KDM5B: variants seen among roughly 807,000 people sequenced by gnomAD.
KDM5B encodes the protein lysine-specific demethylase 5B.
In KDM5B, 144 loss-of-function variants were observed where a neutral mutation model predicts 193.4. That is an observed-to-expected ratio of 0.74 (90% confidence interval 0.65 to 0.86). KDM5B has a LOEUF of 0.86. Ranked by LOEUF, KDM5B falls within the 40% of genes least tolerant of loss-of-function variation. The probability of loss-of-function intolerance (pLI) is 0.00; values close to 1 mark genes in which losing one functional copy is unlikely to be tolerated. For synonymous variants in KDM5B, 668 were observed against 682.6 expected (o/e 0.98, Z 0.33); for missense variants, 1,833 against 1,886.9 (o/e 0.97, Z 0.53).
rs1656017648 is a variant in KDM5B at position 202,756,499 on chromosome 1, A to T, written c.1215T>A (p.Leu405=). The T allele has an allele frequency of 6.2e-7, 1 of 1,607,110 alleles. No individual in the cohort carries two copies. Among genetic ancestry groups the T allele is most frequent in the Middle Eastern group, 1.7e-4 (1 of 6,026 alleles). ...NMPVHMVPTE[L]VEKEFWRLVS... Reference sequence around the variant, plus strand: ...CTAGTCTCCAAAATTCTTTCTCAACAAGCTCTGTGGGGACCATCTGGAAAT... The same window carrying T: ...CTAGTCTCCAAAATTCTTTCTCAACTAGCTCTGTGGGGACCATCTGGAAAT... The change falls in exon 10 of 27, where the codon CTT becomes CTA. Residue 405 remains leucine (L), a synonymous_variant. Transcript: ENST00000367265.
chr1:202,729,670 G>A, intron 26 of KDM5B, 37 bp downstream of exon 26: 1 of 1,571,696 alleles, frequency 6.4e-7, no homozygotes, highest in South Asian at 1.2e-5. Flanking sequence ...TCTGAGTTAA[G>A]GGAAAGCACG....
At chr1:202,794,942 G>A (rs1343306985) in intron 1 of KDM5B, among the ~76,000 whole-genome samples, 1 of 152,192 alleles carries the variant, frequency 6.6e-6, no homozygotes, top group East Asian at 1.9e-4. Flanking sequence ...GCCGGGTGTG[G>A]TGGCTCACAC....
At chr1:202,749,166 AT>A in intron 13 of KDM5B, 27 bp from the exon 14 acceptor site, 1 of 1,585,050 alleles carries the variant, frequency 6.3e-7, no homozygotes, top group Admixed American at 1.8e-5. Flanking sequence ...AAAGAAAAAA[AT>A]AACATTCATC....
chr1:202,766,937 T>G lies in KDM5B; in HGVS notation c.700A>C (p.Met234Leu). 6.3e-7 allele frequency: 1 copy of G among 1,580,216 alleles called. No individual in the cohort carries two copies. The highest frequency in any genetic ancestry group is 8.5e-7 in the Non-Finnish European group (1 of 1,171,756). ...CATGAGGCTCTTACCTCTGCTCTCA[T>G]GCGTTTTGCTCGTCGGGCTGGGGGG... ...TCPPARRAKR[M>L]RAEAMNIKIE... The change falls in exon 5 of 27, where the codon ATG becomes CTG. Residue 234 changes from methionine (M) to leucine (L), a missense_variant. Physicochemically the swap from Met to Leu is conservative, Grantham distance 15. Transcript: ENST00000367265.
chr1:202,754,873 C>T (rs931366072), intron 11 of KDM5B, among the ~76,000 whole-genome samples: 1 of 152,114 alleles, frequency 6.6e-6, no homozygotes, highest in East Asian at 1.9e-4. Flanking sequence ...TTAGTAAAGA[C>T]GGGGTTTCTC....
At position 202,752,296 on chromosome 1, in the gene KDM5B, T is replaced by A. The variant is rs375042885; in HGVS notation, c.1701+609A>T. 2.0e-5 allele frequency among the ~76,000 whole-genome samples: 3 copies of A among 152,334 alleles called. No homozygotes were observed. In the East Asian group the frequency reaches 5.8e-4, roughly 29 times the overall value. ...TTTCACTGTACCTTTTCTGTTTAGA[T>A]ACATTTAAATACACAAATCCTTACT... On this transcript the variant is annotated intron_variant, in intron 12 of 26. Transcript: ENST00000367265.
intron 23 of KDM5B, 77 bp from the exon 24 acceptor site, chr1:202,732,016 T>G (rs1654903771): frequency 2.2e-6 from 2 of 890,280 alleles, no homozygotes; most frequent in East Asian, 2.8e-5. Context: ...GACAGTAGCT[T>G]GCATTACCCA....
chr1:202,789,428 C>T (rs1397718092), intron 1 of KDM5B, among the ~76,000 whole-genome samples: 6 of 149,422 alleles, frequency 4.0e-5, no homozygotes, highest in Non-Finnish European at 8.9e-5. Context: ...GGCTGAGACA[C>T]GATAATCACT....
chr1:202,728,891 GA>G lies in KDM5B; in HGVS notation c.*144del. 16 of 914,864 alleles carry G rather than the reference GA, an allele frequency of 1.7e-5. No homozygotes were observed. The highest frequency in any genetic ancestry group is 2.5e-5 in the East Asian group (1 of 39,872). 56.7% of individuals were successfully genotyped at this position (914,864 alleles called of 1,614,324 possible). A position where few individuals can be genotyped will look rare whatever the true frequency, so the allele number is the denominator to read the frequency against. On this transcript the variant is annotated 3_prime_UTR_variant, in exon 27 of 27. Coordinates refer to ENST00000367265, the MANE Select transcript of KDM5B (RefSeq NM_006618.5). Reference sequence around the variant, plus strand: ...TTTTTCTTTTCTTCAAAGAGTCCTGGAAAAATGATCCCATAAGGAATAGAAA... The same window carrying G: ...TTTTTCTTTTCTTCAAAGAGTCCTGGAAAATGATCCCATAAGGAATAGAAA...
intron 1 of KDM5B, among the ~76,000 whole-genome samples, chr1:202,787,704 G>A (rs1006767401): frequency 6.6e-6 from 1 of 151,648 alleles, no homozygotes; most frequent in African/African-American, 2.4e-5. Flanking sequence ...CCAACGTAGT[G>A]AAACCCTGTC....
intron 1 of KDM5B, among the ~76,000 whole-genome samples, chr1:202,778,795 T>C (rs1400881794): frequency 6.6e-6 from 1 of 152,124 alleles, no homozygotes; most frequent in African/African-American, 2.4e-5. Context: ...GCTAATTTTG[T>C]ATTTTTAGTA....
intron 1 of KDM5B, among the ~76,000 whole-genome samples, chr1:202,803,970 T>C (rs1342361202): frequency 6.7e-6 from 1 of 148,984 alleles, no homozygotes; most frequent in Non-Finnish European, 1.5e-5. Flanking sequence ...CATTAGGAGA[T>C]ATACCTAATG....
chr1:202,770,499 GGT>G (rs2102291089), intron 4 of KDM5B, among the ~76,000 whole-genome samples: 1 of 152,022 alleles, frequency 6.6e-6, no homozygotes, highest in South Asian at 2.1e-4. Context: ...ATCAGAAATA[GGT>G]GTAAAAATTT....
intron 16 of KDM5B, among the ~76,000 whole-genome samples, chr1:202,743,089 C>A (rs575008516): frequency 1.1e-3 from 166 of 152,168 alleles, no homozygotes; most frequent in Admixed American, 3.9e-3. Flanking sequence ...TAAATCCCAG[C>A]AATTTGCAAG....
intron 1 of KDM5B, among the ~76,000 whole-genome samples, chr1:202,780,143 G>A (rs1049547360): frequency 7.2e-5 from 11 of 152,050 alleles, no homozygotes; most frequent in Admixed American, 3.3e-4. Context: ...GATTAACAGC[G>A]CATGCCTTGT....
At chr1:202,802,712 G>C (rs1395901786) in intron 1 of KDM5B, among the ~76,000 whole-genome samples, 4 of 151,928 alleles carry the variant, frequency 2.6e-5, no homozygotes, top group Non-Finnish European at 4.4e-5. Flanking sequence ...TTTTACCCAA[G>C]AGAAAATTCC....
At chr1:202,770,698 G>A (rs1656676545) in intron 4 of KDM5B, among the ~76,000 whole-genome samples, 1 of 152,138 alleles carries the variant, frequency 6.6e-6, no homozygotes, top group African/African-American at 2.4e-5. Flanking sequence ...AAAAACCTAA[G>A]ATGCAATGAT....
intron 1 of KDM5B, among the ~76,000 whole-genome samples, chr1:202,799,721 C>T (rs1386769865): frequency 6.6e-6 from 1 of 151,666 alleles, no homozygotes; most frequent in African/African-American, 2.4e-5. Context: ...TACATACACA[C>T]AGTCCCCTTG....
chr1:202,774,826 T>C, intron 2 of KDM5B, 91 bp from the exon 3 acceptor site: 1 of 1,266,976 alleles, frequency 7.9e-7, no homozygotes, highest in Non-Finnish European at 1.1e-6. Flanking sequence ...AATATTTAAG[T>C]ACAATACCAC....
Sources: gnomAD v4.1 joint callset for allele counts (sites outside exome capture counted in the v4.1 genomes callset) on GRCh38, gnomAD v4.1.1 for gene constraint, MANE v1.5 for transcripts, NCBI Gene and HGNC (gene_info 2026-07-23, HGNC 2026-07-21) for gene names.